NF2: variants seen among roughly 807,000 people sequenced by gnomAD.
NF2 encodes merlin.
In NF2, 8 loss-of-function variants were observed where a neutral mutation model predicts 83.7. That is an observed-to-expected ratio of 0.10 (90% CI 0.06 to 0.17). The LOEUF (loss-of-function observed/expected upper bound fraction) is 0.17, where lower values mean the gene tolerates loss of function less well. NF2 is among the 10% of genes least tolerant of loss of function. The pLI is 1.00. For missense variants in NF2, 533 were observed against 744.4 expected, an observed-to-expected ratio of 0.72 and a Z score of 3.31; for synonymous variants, 266 against 269.6, an observed-to-expected ratio of 0.99 and a Z score of 0.13.
intron 6 of NF2, among the ~76,000 whole-genome samples, 155 bp from the exon 7 acceptor site, chr22:29,658,034 G>T: frequency 6.6e-6 from 1 of 152,114 alleles, no homozygotes; most frequent in East Asian, 1.9e-4. Flanking sequence ...ACTCAGGGCC[G>T]GGCAGAGCTT....
chr22:29,617,227 C>T (rs1414621821), intron 1 of NF2, among the ~76,000 whole-genome samples: 2 of 152,138 alleles, frequency 1.3e-5, no homozygotes, highest in Non-Finnish European at 2.9e-5. Context: ...CTGTGTCCAT[C>T]CAGGAAAGGG....
chr22:29,642,099 C>G, intron 3 of NF2, 103 bp from the exon 4 acceptor site: 1 of 920,674 alleles, frequency 1.1e-6, no homozygotes, highest in South Asian at 1.4e-5. Context: ...ACAGGCTGCT[C>G]TGGCAGCCCT....
chr22:29,692,847 G>A (rs1056112578), intron 15 of NF2, among the ~76,000 whole-genome samples: 3 of 152,184 alleles, frequency 2.0e-5, no homozygotes, highest in Admixed American at 6.5e-5. Context: ...CATCACACGC[G>A]GTTCCCAATT....
intron 1 of NF2, among the ~76,000 whole-genome samples, chr22:29,618,180 T>G (rs73881580): frequency 6.6e-6 from 1 of 152,320 alleles, no homozygotes; most frequent in African/African-American, 2.4e-5. Flanking sequence ...TTGAAAGTAA[T>G]CATAGTTTGA....
Position 29,697,037 on chromosome 22 carries a change from G to A in NF2, c.*2235G>A, listed in dbSNP as rs5997506. On this transcript the variant is annotated 3_prime_UTR_variant, in exon 16 of 16. Coordinates refer to ENST00000338641, the MANE Select transcript of NF2 (RefSeq NM_000268.4). Reference sequence around the variant, plus strand: ...TCGCCATGTTAGCCAGACTGGTCTCGAACTCCTGACCTCAGGTGATCCTCC... The same window carrying A: ...TCGCCATGTTAGCCAGACTGGTCTCAAACTCCTGACCTCAGGTGATCCTCC... The A allele has an allele frequency of 0.13, 25,247 of 187,878 alleles. 1,900 individuals are homozygous for A. Among genetic ancestry groups the A allele is most frequent in the African/African-American group, 0.19 (8,166 of 42,736 alleles). 11.6% of individuals were successfully genotyped at this position (187,878 alleles called of 1,614,324 possible). A position where few individuals can be genotyped will look rare whatever the true frequency, so the allele number is the denominator to read the frequency against.
intron 15 of NF2, chr22:29,683,030 A>G: frequency 1.9e-6 from 3 of 1,614,222 alleles, no homozygotes; most frequent in Non-Finnish European, 2.5e-6. Flanking sequence ...CCTCAAGCCC[A>G]AGGCAGAAGA....
At chr22:29,604,213 A>C in intron 1 of NF2, 101 bp downstream of exon 1, 2 of 971,972 alleles carry the variant, frequency 2.1e-6, no homozygotes, top group Non-Finnish European at 3.2e-6. Context: ...GACGGGCAGA[A>C]CCGGAAGGGC....
intron 15 of NF2, among the ~76,000 whole-genome samples, chr22:29,684,891 A>G (rs769557280): frequency 6.6e-6 from 1 of 152,054 alleles, no homozygotes; most frequent in African/African-American, 2.4e-5. Context: ...GAGCAGCCAC[A>G]TGCCTGCACT....
chr22:29,644,243 G>T (rs1412627811), intron 4 of NF2, among the ~76,000 whole-genome samples: 4 of 151,658 alleles, frequency 2.6e-5, no homozygotes, highest in African/African-American at 9.7e-5. Flanking sequence ...CTCCCAGACG[G>T]GGTGGCGGCC....
chr22:29,643,344 C>A (rs2065866624), intron 4 of NF2, among the ~76,000 whole-genome samples: 2 of 149,356 alleles, frequency 1.3e-5, no homozygotes, highest in East Asian at 2.0e-4. Flanking sequence ...ACAGAGGGGG[C>A]TTTGGCAGGG....
chr22:29,609,165 GC>G lies in NF2; in HGVS notation c.114+5055del. 5.3e-6 allele frequency: 4 copies of G among 751,548 alleles called. No homozygotes were observed. In the East Asian group the frequency reaches 1.0e-4, roughly 19 times the overall value. The allele number at this position is 751,548 out of a possible 1,614,324, so 46.6% of individuals were successfully genotyped here. ...ATTCAGGAGAATGGGATGAAGGTTGGCCTTGCCATAAAACCAGGAACCTCAG... is the reference window on the plus strand; with the variant it reads ...ATTCAGGAGAATGGGATGAAGGTTGGCTTGCCATAAAACCAGGAACCTCAG... On this transcript the variant is annotated intron_variant, in intron 1 of 15. Transcript: ENST00000338641.
chr22:29,649,941 A>T (rs539338699), intron 4 of NF2, among the ~76,000 whole-genome samples: 1 of 152,220 alleles, frequency 6.6e-6, no homozygotes, highest in Non-Finnish European at 1.5e-5. Flanking sequence ...CCCATTCTCC[A>T]TGATGTGATT....
At chr22:29,687,757 G>T (rs1385599111) in intron 15 of NF2, among the ~76,000 whole-genome samples, 1 of 152,198 alleles carries the variant, frequency 6.6e-6, no homozygotes, top group Admixed American at 6.5e-5. Context: ...CCCTGCTAGA[G>T]CAAGGCAGGG....
At chr22:29,649,213 A>G (rs1343144568) in intron 4 of NF2, among the ~76,000 whole-genome samples, 1 of 152,194 alleles carries the variant, frequency 6.6e-6, no homozygotes, top group African/African-American at 2.4e-5. Flanking sequence ...TGAAATGTCC[A>G]GAACAGGCAA....
intron 2 of NF2, among the ~76,000 whole-genome samples, chr22:29,637,605 C>T (rs1450422159): frequency 2.0e-5 from 3 of 152,152 alleles, no homozygotes; most frequent in Non-Finnish European, 4.4e-5. Context: ...ACCTGAACTT[C>T]AAAGTAAGTC....
intron 15 of NF2, chr22:29,684,283 G>A (rs956351218): frequency 6.6e-6 from 1 of 152,134 alleles, no homozygotes; most frequent in Non-Finnish European, 1.5e-5. Flanking sequence ...AGAACAGTCC[G>A]CGCTCTGAGC....
intron 8 of NF2, 131 bp from the exon 9 acceptor site, chr22:29,664,859 C>T: frequency 2.7e-6 from 2 of 744,454 alleles, no homozygotes; most frequent in Non-Finnish European, 4.9e-6. Flanking sequence ...TGCCTGGATA[C>T]TGGGAAGCCA....
intron 14 of NF2, 140 bp downstream of exon 14, chr22:29,678,463 C>T: frequency 1.1e-6 from 1 of 944,698 alleles, no homozygotes; most frequent in South Asian, 1.4e-5. Context: ...GCTCTTACAC[C>T]CTGGAGGAAG....
intron 1 of NF2, among the ~76,000 whole-genome samples, chr22:29,606,207 G>C (rs1487333869): frequency 1.3e-5 from 2 of 152,188 alleles, no homozygotes; most frequent in African/African-American, 4.8e-5. Flanking sequence ...ACCTGCCTCG[G>C]CCTCCCAAAG....
Sources: gnomAD v4.1 joint callset for allele counts (sites outside exome capture counted in the v4.1 genomes callset) on GRCh38, gnomAD v4.1.1 for gene constraint, MANE v1.5 for transcripts, NCBI Gene and HGNC (gene_info 2026-07-23, HGNC 2026-07-21) for gene names.